Variants in TMEM266 observed in about 807,000 individuals in gnomAD.
TMEM266 encodes Hv1 related protein 1.
Under a neutral mutation model 50.5 loss-of-function variants are expected in TMEM266, and 33 were observed. The observed-to-expected ratio is 0.65, with a 90% CI of 0.50 to 0.87. TMEM266 has a LOEUF of 0.87. TMEM266 is among the 40% of genes least tolerant of loss of function. The pLI, the probability that TMEM266 is intolerant of heterozygous loss-of-function variation, is 0.00. For missense variants in TMEM266, 655 were observed against 695.1 expected (o/e 0.94, Z 0.65); for synonymous variants, 310 against 292.3 (o/e 1.06, Z -0.62).
Position 76,153,831 on chromosome 15 carries a change from C to A in TMEM266, c.228-2773C>A, listed in dbSNP as rs1328263084. ...GCCAAGTGATGATAGCCAAAGATAT[C>A]TTAAAATGCAAAGGCTCGTTAATGG... On this transcript the variant is annotated intron_variant, in intron 3 of 10. Transcript: ENST00000388942. This position sits in a 1 kb window ranked among gnomAD's most constrained non-coding sequence, Gnocchi z 4.2. Among the ~76,000 whole-genome samples the A allele has an allele frequency of 6.6e-6, 1 of 152,166 alleles. No individual in the cohort carries two copies. The highest frequency in any genetic ancestry group is 1.5e-5 in the Non-Finnish European group (1 of 68,006).
At position 76,086,970 on chromosome 15, in the gene TMEM266, C is replaced by G. The variant is rs187249476; in HGVS notation, c.-97+26954C>G. Among the ~76,000 whole-genome samples the G allele has an allele frequency of 1.5e-4, 22 of 151,400 alleles. No homozygotes were observed. The East Asian group carries it at 2.7e-3, about 19-fold the overall frequency. ...TGTTGCAAAGGGAGTACCCTCTGGT[C>G]CTTTTATTACTTGGGCATGGAAAGT... On this transcript the variant is annotated intron_variant, in intron 1 of 10. Transcript: ENST00000388942.
intron 1 of TMEM266, among the ~76,000 whole-genome samples, chr15:76,117,636 A>G (rs1306069645): frequency 1.3e-5 from 2 of 152,318 alleles, no homozygotes; most frequent in East Asian, 3.9e-4. Context: ...GAAGGGAGAT[A>G]AGAAAGGACC....
At chr15:76,178,598 C>T (rs1456314384) in intron 8 of TMEM266, 1 of 152,244 alleles carries the variant, frequency 6.6e-6, no homozygotes, top group African/African-American at 2.4e-5. Flanking sequence ...GGCAACCCCA[C>T]CTCCCAGGGT....
intron 1 of TMEM266, among the ~76,000 whole-genome samples, chr15:76,082,576 C>A (rs1483628546): frequency 6.6e-6 from 1 of 152,160 alleles, no homozygotes; most frequent in Non-Finnish European, 1.5e-5. Flanking sequence ...TCAGTTAACA[C>A]CTCTGATAGG....
At chr15:76,081,155 A>G (rs182748638) in intron 1 of TMEM266, among the ~76,000 whole-genome samples, 1 of 152,312 alleles carries the variant, frequency 6.6e-6, no homozygotes, top group East Asian at 1.9e-4. Context: ...GGTGATTGCC[A>G]TCTTGGCGTT....
At chr15:76,171,417 T>C (rs773124999) in intron 7 of TMEM266, among the ~76,000 whole-genome samples, 1 of 152,206 alleles carries the variant, frequency 6.6e-6, no homozygotes, top group Non-Finnish European at 1.5e-5. Context: ...CCAGCCCCCA[T>C]GCAAGCCCTT....
At position 76,139,642 on chromosome 15, in the gene TMEM266, C is replaced by T. The variant is rs1199587678; in HGVS notation, c.227+1747C>T. ...AGCTGGTGGGTCCTTCTCTGAGCAC[C>T]CAGCAAGTCACTGCGTCACTGCTCT... On this transcript the variant is annotated intron_variant, in intron 3 of 10. Coordinates refer to ENST00000388942, the MANE Select transcript of TMEM266 (RefSeq NM_152335.3). This position sits in a 1 kb window ranked among gnomAD's most constrained non-coding sequence, Gnocchi z 4.1. 6.6e-6 allele frequency among the ~76,000 whole-genome samples: 1 copy of T among 152,208 alleles called. No homozygotes were observed. Among genetic ancestry groups the T allele is most frequent in the African/African-American group, 2.4e-5 (1 of 41,452 alleles).
At chr15:76,127,775 C>T (rs2037445996) in intron 1 of TMEM266, among the ~76,000 whole-genome samples, 1 of 152,192 alleles carries the variant, frequency 6.6e-6, no homozygotes, top group Non-Finnish European at 1.5e-5. Context: ...CATTTAACTT[C>T]ATTTGCAAAA....
At chr15:76,164,005 C>T (rs561899166) in intron 5 of TMEM266, among the ~76,000 whole-genome samples, 6 of 152,206 alleles carry the variant, frequency 3.9e-5, no homozygotes, top group Non-Finnish European at 5.9e-5. Context: ...TTTCATCACC[C>T]TCAAAAGGAG....
intron 1 of TMEM266, among the ~76,000 whole-genome samples, chr15:76,068,908 T>C (rs948665007): frequency 1.2e-4 from 19 of 152,218 alleles, no homozygotes; most frequent in African/African-American, 4.6e-4. Context: ...AAGCTACTAA[T>C]GAGTGGCAGG....
At chr15:76,135,742 G>A (rs2037578237) in intron 2 of TMEM266, among the ~76,000 whole-genome samples, 2 of 152,156 alleles carry the variant, frequency 1.3e-5, no homozygotes, top group Admixed American at 1.3e-4. Context: ...TGCTTGACAG[G>A]TAGCAAAAAG....
In TMEM266 at chr15:76,074,001, G is replaced by A. The variant is rs116664379; in HGVS notation, c.-97+13985G>A. Among the ~76,000 whole-genome samples, 447 of 151,228 alleles carry A rather than the reference G, an allele frequency of 3.0e-3. 6 individuals are homozygous for A. Among genetic ancestry groups the A allele is most frequent in the African/African-American group, 0.011 (430 of 40,582 alleles). ...TTATTTTCAGATTTTGTTTGTAGTC[G>A]AATACTATTGCCACACTGGGTATAA... On this transcript the variant is annotated intron_variant, in intron 1 of 10. Coordinates refer to ENST00000388942, the MANE Select transcript of TMEM266 (RefSeq NM_152335.3).
chr15:76,087,312 G>A (rs1017333025), intron 1 of TMEM266, among the ~76,000 whole-genome samples: 4 of 152,152 alleles, frequency 2.6e-5, no homozygotes, highest in African/African-American at 9.7e-5. Flanking sequence ...GATGGAGAAA[G>A]GGGATGAATT....
At chr15:76,102,242 A>C (rs1158358704) in intron 1 of TMEM266, among the ~76,000 whole-genome samples, 1 of 152,244 alleles carries the variant, frequency 6.6e-6, no homozygotes, top group African/African-American at 2.4e-5. Context: ...AAAGACAGTT[A>C]TCTTGAAATG....
At chr15:76,074,539 T>C (rs1567141278) in intron 1 of TMEM266, among the ~76,000 whole-genome samples, 1 of 152,074 alleles carries the variant, frequency 6.6e-6, no homozygotes, top group Non-Finnish European at 1.5e-5. Flanking sequence ...ATATGTCGTC[T>C]TTGCTGTGGA....
intron 5 of TMEM266, among the ~76,000 whole-genome samples, chr15:76,167,068 G>A (rs959555364): frequency 6.6e-6 from 1 of 152,174 alleles, no homozygotes. Context: ...TTTTGTCTTG[G>A]ACACCCCAGA....
Position 76,204,183 on chromosome 15 carries a change from G to A in TMEM266, c.1464G>A (p.Lys488=). ...ACAGGGTAAGTCTGTTCAACCAGAA[G>A]AACCAGGAGGGCTTCACTGTCTTTC... The change falls in exon 11 of 11, where the codon AAG becomes AAA. Residue 488 remains lysine, a synonymous_variant. Coordinates refer to ENST00000388942, the MANE Select transcript of TMEM266 (RefSeq NM_152335.3). 4.3e-6 allele frequency: 7 copies of A among 1,613,848 alleles called. No individual in the cohort carries two copies. Among genetic ancestry groups the A allele is most frequent in the Non-Finnish European group, 5.9e-6 (7 of 1,180,020 alleles).
chr15:76,204,331 G>C lies in TMEM266; in HGVS notation c.*16G>C. On this transcript the variant is annotated 3_prime_UTR_variant, in exon 11 of 11. Coordinates refer to ENST00000388942, the MANE Select transcript of TMEM266 (RefSeq NM_152335.3). ...TGAGGCCTAGAGCCTGCCATGGGCTGGGTGAGATGAGGGGAGACAGCCATC... is the reference window on the plus strand; with the variant it reads ...TGAGGCCTAGAGCCTGCCATGGGCTCGGTGAGATGAGGGGAGACAGCCATC... The C allele has an allele frequency of 6.3e-7, 1 of 1,578,696 alleles. No homozygotes were observed. The highest frequency in any genetic ancestry group is 8.6e-7 in the Non-Finnish European group (1 of 1,157,234).
At chr15:76,123,612 A>G (rs529017302) in intron 1 of TMEM266, among the ~76,000 whole-genome samples, 1 of 152,316 alleles carries the variant, frequency 6.6e-6, no homozygotes, top group African/African-American at 2.4e-5. Context: ...GGTCTAGCAT[A>G]CAATTAGTTA....
Sources: gnomAD v4.1 joint callset for allele counts (sites outside exome capture counted in the v4.1 genomes callset) on GRCh38, gnomAD v4.1.1 for gene constraint, Gnocchi (gnomAD v3.1) non-coding constraint, MANE v1.5 for transcripts, NCBI Gene and HGNC (gene_info 2026-07-23, HGNC 2026-07-21) for gene names.